ARHGEF10L: variants seen among roughly 807,000 people sequenced by gnomAD.
ARHGEF10L encodes the protein Rho guanine nucleotide exchange factor 10 like.
A neutral mutation model predicts 141.2 loss-of-function variants in ARHGEF10L; 69 were observed. The ratio of observed to expected loss-of-function variants is 0.49; its 90% CI spans 0.40 to 0.60. The LOEUF (loss-of-function observed/expected upper bound fraction) is 0.60. ARHGEF10L is among the 20% of genes least tolerant of loss of function. The probability of loss-of-function intolerance (pLI) is 0.00; values close to 1 mark genes in which losing one functional copy is unlikely to be tolerated. For synonymous variants in ARHGEF10L, 711 were observed against 718.5 expected (o/e 0.99, Z 0.17); for missense variants, 1,482 against 1,734.3 (o/e 0.85, Z 2.58).
In ARHGEF10L at chr1:17,553,392, A is replaced by C. The variant is rs538380316; in HGVS notation, c.-44+13442A>C. Among the ~76,000 whole-genome samples the C allele has an allele frequency of 1.2e-4, 19 of 152,326 alleles. No homozygotes were observed. In the South Asian group the frequency reaches 3.9e-3, roughly 32 times the overall value. Reference sequence around the variant, plus strand: ...TTCTATCTAGGAATCTGTAAGAGTCAAACATTTGCCACCTTTTTCTACTTC... The same window carrying C: ...TTCTATCTAGGAATCTGTAAGAGTCCAACATTTGCCACCTTTTTCTACTTC... On this transcript the variant is annotated intron_variant, in intron 1 of 28. Coordinates refer to ENST00000361221, the MANE Select transcript of ARHGEF10L (RefSeq NM_018125.4).
chr1:17,638,475 G>T, intron 19 of ARHGEF10L, 87 bp from the exon 20 acceptor site: 1 of 1,566,522 alleles, frequency 6.4e-7, no homozygotes, highest in Non-Finnish European at 8.7e-7. Context: ...CTCTTCCTCT[G>T]GGGTGCTGTG....
chr1:17,556,278 GGGGGCCTGGGAGCACAGGGC>G (rs2077320268), intron 1 of ARHGEF10L, among the ~76,000 whole-genome samples: 1 of 114,684 alleles, frequency 8.7e-6, no homozygotes, highest in Non-Finnish European at 1.9e-5. Context: ...GCGGCGGGGG[GGGGGCCTGGGAGCACAGGGC>G]GGGCCTGGGA....
intron 1 of ARHGEF10L, among the ~76,000 whole-genome samples, chr1:17,575,048 C>T (rs945708278): frequency 2.0e-5 from 3 of 152,168 alleles, no homozygotes; most frequent in African/African-American, 4.8e-5. Flanking sequence ...CCTTTGGTTC[C>T]ATGCTGGGTG....
Position 17,623,633 on chromosome 1 carries a change from T to G in ARHGEF10L, c.1200+458T>G, listed in dbSNP as rs550321346. Among the ~76,000 whole-genome samples, 1 of 152,162 alleles carries G rather than the reference T, an allele frequency of 6.6e-6. No homozygotes were observed. Among genetic ancestry groups the G allele is most frequent in the South Asian group, 2.1e-4 (1 of 4,836 alleles). On this transcript the variant is annotated intron_variant, in intron 12 of 28. Transcript: ENST00000361221. The surrounding 1 kb of genome is among the most constrained non-coding windows in gnomAD (Gnocchi z 4.7). ...CCTGGTTCTGGTCCCAGCTCAGTTC[T>G]GCAACCTAGGGCAGGTCCAGGGCCC...
rs369036820 is a variant in ARHGEF10L at position 17,697,192 on chromosome 1, G to A, written c.3652G>A (p.Asp1218Asn). 21 of 1,612,112 alleles carry A rather than the reference G, an allele frequency of 1.3e-5. No homozygotes were observed. In the African/African-American group the frequency reaches 2.1e-4, roughly 16 times the overall value. The change falls in exon 29 of 29, where the codon GAC (aspartate) becomes AAC (asparagine). Residue 1218 changes from aspartate (D) to asparagine (N), a missense_variant. This residue lies in a region of ARHGEF10L where 858 missense variants were observed against 966.3 expected (regional missense o/e 0.89). Transcript: ENST00000361221. This position sits in a 1 kb window ranked among gnomAD's most constrained non-coding sequence, Gnocchi z 4.8. ...GSIYEMADDP[D>N]IWVRSRPCAR... The stretch of plus-strand genomic sequence containing the variant: ...CATTTACGAGATGGCCGACGACCCC[G>A]ACATCTGGGTGCGCAGCCGGCCCTG...
At chr1:17,652,969 G>T (rs2062019084) in intron 22 of ARHGEF10L, among the ~76,000 whole-genome samples, 1 of 152,198 alleles carries the variant, frequency 6.6e-6, no homozygotes, top group African/African-American at 2.4e-5. Flanking sequence ...CCTGTCTCCT[G>T]CTCATCCTTG....
chr1:17,531,991 G>A, the ARHGEF10L span, among the ~76,000 whole-genome samples: 1 of 152,090 alleles, frequency 6.6e-6, no homozygotes, highest in Non-Finnish European at 1.5e-5. Context: ...GCCAGTGGGA[G>A]CTGAGCACCC....
chr1:17,591,848 T>C (rs1557765215), intron 4 of ARHGEF10L, among the ~76,000 whole-genome samples: 1 of 152,238 alleles, frequency 6.6e-6, no homozygotes, highest in Non-Finnish European at 1.5e-5. Flanking sequence ...GCATCTGGCC[T>C]GTATTATCTT....
the ARHGEF10L span, among the ~76,000 whole-genome samples, chr1:17,516,011 C>T: frequency 6.6e-6 from 1 of 152,246 alleles, no homozygotes; most frequent in African/African-American, 2.4e-5. Flanking sequence ...AGGCCCTGTA[C>T]AGATGGCAGA....
At chr1:17,525,002 C>T in the ARHGEF10L span, among the ~76,000 whole-genome samples, 1 of 152,184 alleles carries the variant, frequency 6.6e-6, no homozygotes, top group Non-Finnish European at 1.5e-5. Context: ...CAGAGACCCC[C>T]TTCCCCCATC....
At position 17,621,068 on chromosome 1, in the gene ARHGEF10L, G is replaced by A. The variant is rs1032985794; in HGVS notation, c.943-796G>A. Among the ~76,000 whole-genome samples, 1 of 152,112 alleles carries A rather than the reference G, an allele frequency of 6.6e-6. No homozygotes were observed. The highest frequency in any genetic ancestry group is 1.5e-5 in the Non-Finnish European group (1 of 68,004). On this transcript the variant is annotated intron_variant, in intron 10 of 28. Transcript: ENST00000361221. This position sits in a 1 kb window ranked among gnomAD's most constrained non-coding sequence, Gnocchi z 4.1. ...GCTTCTGGAGGGTTACGGTGATGGTGGAAGGGAAAGGAGAAGGGACTGGGG... is the reference window on the plus strand; with the variant it reads ...GCTTCTGGAGGGTTACGGTGATGGTAGAAGGGAAAGGAGAAGGGACTGGGG...
chr1:17,681,209 A>T (rs192650855), intron 26 of ARHGEF10L, among the ~76,000 whole-genome samples: 1 of 152,364 alleles, frequency 6.6e-6, no homozygotes, highest in East Asian at 1.9e-4. Context: ...GCACAGAGAC[A>T]TACACCCACT....
At chr1:17,665,738 G>A (rs756347924) in intron 26 of ARHGEF10L, among the ~76,000 whole-genome samples, 1 of 152,204 alleles carries the variant, frequency 6.6e-6, no homozygotes, top group African/African-American at 2.4e-5. Context: ...CCAATGGAAC[G>A]TATGTGAGTG....
chr1:17,672,288 T>C (rs1241107052), intron 26 of ARHGEF10L, among the ~76,000 whole-genome samples: 3 of 150,322 alleles, frequency 2.0e-5, no homozygotes, highest in African/African-American at 4.9e-5. Context: ...CATACGAGTG[T>C]GATGCGGCAT....
At chr1:17,543,056 C>T (rs563485433) in intron 1 of ARHGEF10L, among the ~76,000 whole-genome samples, 42 of 152,258 alleles carry the variant, frequency 2.8e-4, no homozygotes, top group African/African-American at 5.8e-4. Flanking sequence ...CAGCTCAGCT[C>T]CTTCCTTGCA....
At chr1:17,605,206 C>T (rs1413293099) in intron 6 of ARHGEF10L, among the ~76,000 whole-genome samples, 6 of 152,164 alleles carry the variant, frequency 3.9e-5, no homozygotes, top group Admixed American at 6.5e-5. Context: ...GAGAGGAGCT[C>T]GGGCCAGCTC....
At chr1:17,618,424 G>A (rs1406393099) in intron 9 of ARHGEF10L, 7 of 1,530,626 alleles carry the variant, frequency 4.6e-6, no homozygotes, top group South Asian at 3.7e-5. Context: ...AGTGATGCCC[G>A]GGGCGTGATG....
chr1:17,554,583 CTTTTTTTTT>C (rs970778480), intron 1 of ARHGEF10L, among the ~76,000 whole-genome samples: 9 of 122,310 alleles, frequency 7.4e-5, no homozygotes, highest in Admixed American at 1.6e-4. Flanking sequence ...TCCTTCCTTC[CTTTTTTTTT>C]TTTTTTTTTT....
chr1:17,574,934 G>A (rs1462385640), intron 1 of ARHGEF10L, among the ~76,000 whole-genome samples: 1 of 152,214 alleles, frequency 6.6e-6, no homozygotes, highest in African/African-American at 2.4e-5. Flanking sequence ...AGGAGGGCTT[G>A]TACCTCACCT....
Sources: gnomAD v4.1 joint callset for allele counts (sites outside exome capture counted in the v4.1 genomes callset) on GRCh38, gnomAD v4.1.1 for gene constraint, gnomAD v4.1.1 regional missense constraint, Gnocchi (gnomAD v3.1) non-coding constraint, MANE v1.5 for transcripts, NCBI Gene and HGNC (gene_info 2026-07-23, HGNC 2026-07-21) for gene names.